CHD1: variants seen among roughly 807,000 people sequenced by gnomAD.
CHD1 encodes the protein ATP-dependent chromatin remodeler CHD1.
CHD1 carries 36 observed loss-of-function variants against 224.2 expected under a neutral mutation model. The observed-to-expected ratio is 0.16, with a 90% CI of 0.12 to 0.21. The LOEUF is 0.21. Among genes scored for constraint, CHD1 ranks in the 10% least tolerant of loss-of-function variants. The pLI is 1.00. For synonymous variants in CHD1, 668 were observed against 658.3 expected, an observed-to-expected ratio of 1.01 and a Z score of -0.23; for missense variants, 1,378 against 1,994.8, an observed-to-expected ratio of 0.69 and a Z score of 5.89.
Position 98,863,499 on chromosome 5 carries a change from G to A in CHD1, c.4336C>T (p.His1446Tyr), listed in dbSNP as rs1161880604. 1 of 1,608,668 alleles carries A rather than the reference G, an allele frequency of 6.2e-7. No homozygotes were observed. Among genetic ancestry groups the A allele is most frequent in the Non-Finnish European group, 8.5e-7 (1 of 1,176,802 alleles). The change falls in exon 32 of 36, where the codon CAT (histidine) becomes TAT (tyrosine). Residue 1446 changes from histidine to tyrosine, a missense_variant. Coordinates refer to ENST00000614616, the MANE Select transcript of CHD1 (RefSeq NM_001270.4). Reference protein sequence around the residue: ...KGLSEREQLEHTRQCLIKIGD... With the variant: ...KGLSEREQLEYTRQCLIKIGD... ...ATTTTTATTAAACATTGTCTAGTATGCTCTAGTTGTTCTCTTTCTGAAAGG... is the reference window on the plus strand; with the variant it reads ...ATTTTTATTAAACATTGTCTAGTATACTCTAGTTGTTCTCTTTCTGAAAGG...
intron 8 of CHD1, 54 bp from the exon 9 acceptor site, chr5:98,898,818 T>G (rs1751507283): frequency 2.1e-6 from 2 of 962,040 alleles, no homozygotes; most frequent in South Asian, 2.7e-5. Flanking sequence ...AAATAACCTT[T>G]CACTCCCCCA....
intron 30 of CHD1, chr5:98,869,546 A>G (rs1022358258): frequency 3.6e-6 from 2 of 552,604 alleles, no homozygotes; most frequent in East Asian, 3.4e-5. Context: ...GTGCTATATA[A>G]TATCTACTGG....
At position 98,898,273 on chromosome 5, in the gene CHD1, G is replaced by C; in HGVS notation, c.1348C>G (p.Pro450Ala). 2.0e-6 allele frequency: 3 copies of C among 1,528,018 alleles called. No individual in the cohort carries two copies. Among genetic ancestry groups the C allele is most frequent in the African/African-American group, 1.4e-5 (1 of 72,126 alleles). 94.7% of individuals were successfully genotyped at this position (1,528,018 alleles called of 1,614,324 possible). The change falls in exon 10 of 36, where the codon CCT (proline) becomes GCT (alanine). Residue 450 changes from proline (P) to alanine (A), a missense_variant. Physicochemically the swap from Pro to Ala is conservative, Grantham distance 27. This residue lies in a region of CHD1 where 86 missense variants were observed against 97.7 expected (regional missense o/e 0.88). Transcript: ENST00000614616. ...ATACTCACTTTGCAATCTTTAAAAG[G>C]AGTGGTTTTTGATTGGTTCCTGCTA... ...YFSRNQSKTT[P>A]FKDCKVLKQR...
At chr5:98,907,393 A>T (rs900439224) in intron 2 of CHD1, among the ~76,000 whole-genome samples, 2 of 152,156 alleles carry the variant, frequency 1.3e-5, no homozygotes, top group African/African-American at 4.8e-5. Context: ...GTTCGAGACC[A>T]GTCTGACCAA....
intron 24 of CHD1, 101 bp downstream of exon 24, chr5:98,876,297 T>C: frequency 8.2e-7 from 1 of 1,226,876 alleles, no homozygotes; most frequent in South Asian, 1.4e-5. Flanking sequence ...ATTTGCCTCT[T>C]CTAAAACTTC....
chr5:98,923,239 C>T (rs1288582711), intron 2 of CHD1, among the ~76,000 whole-genome samples: 1 of 152,070 alleles, frequency 6.6e-6, no homozygotes, highest in Non-Finnish European at 1.5e-5. Context: ...GGTCTCTCTC[C>T]TGATAAACTC....
At chr5:98,901,950 T>TTG (rs1435674907) in intron 5 of CHD1, among the ~76,000 whole-genome samples, 1 of 152,122 alleles carries the variant, frequency 6.6e-6, no homozygotes, top group Non-Finnish European at 1.5e-5. Flanking sequence ...CTATATCCTA[T>TTG]TTCAGCTATG....
At chr5:98,867,242 T>C (rs543672134) in intron 31 of CHD1, among the ~76,000 whole-genome samples, 1 of 152,166 alleles carries the variant, frequency 6.6e-6, no homozygotes, top group Non-Finnish European at 1.5e-5. Flanking sequence ...GCACAGATAG[T>C]TTCTCCCTCA....
In CHD1 at chr5:98,904,803, T is replaced by C. The variant is rs1751944182; in HGVS notation, c.255+94A>G. 3 of 1,116,512 alleles carry C rather than the reference T, an allele frequency of 2.7e-6. No homozygotes were observed. In the Admixed American group the frequency reaches 5.5e-5, roughly 21 times the overall value. The allele number at this position is 1,116,512 out of a possible 1,614,324, so 69.2% of individuals were successfully genotyped here. ...TTTTAATTTAAAATGTTGTCTTCTC[T>C]AAAAGCTAGATTAAGAATGGTATAA... On this transcript the variant is annotated intron_variant, in intron 3 of 35. Transcript: ENST00000614616.
chr5:98,920,152 C>CA (rs1410044032), intron 2 of CHD1, among the ~76,000 whole-genome samples: 1 of 151,908 alleles, frequency 6.6e-6, no homozygotes, highest in Non-Finnish European at 1.5e-5. Flanking sequence ...GATTACAACT[C>CA]AAAGCACATA....
At chr5:98,898,816 T>C (rs746943036) in intron 8 of CHD1, 52 bp from the exon 9 acceptor site, 3 of 986,268 alleles carry the variant, frequency 3.0e-6, no homozygotes, top group Admixed American at 3.5e-5. Context: ...ATAAATAACC[T>C]TTCACTCCCC....
intron 2 of CHD1, among the ~76,000 whole-genome samples, chr5:98,911,141 AAAAAAATATATATATATATATATAT>A (rs1350313472): frequency 8.7e-6 from 1 of 114,762 alleles, no homozygotes; most frequent in Non-Finnish European, 1.7e-5. Flanking sequence ...AAAAAAAAAA[AAAAAAATATATATATATATATATAT>A]ATATATATAT....
intron 18 of CHD1, among the ~76,000 whole-genome samples, chr5:98,883,541 A>G (rs1474721950): frequency 6.6e-6 from 1 of 152,060 alleles, no homozygotes; most frequent in Non-Finnish European, 1.5e-5. Context: ...TATGGAAAAC[A>G]GCGTGGAAAT....
chr5:98,883,543 C>G (rs753354196), intron 18 of CHD1, among the ~76,000 whole-genome samples: 1 of 151,788 alleles, frequency 6.6e-6, no homozygotes, highest in Admixed American at 6.6e-5. Context: ...TGGAAAACAG[C>G]GTGGAAATTC....
intron 10 of CHD1, among the ~76,000 whole-genome samples, chr5:98,898,019 T>C (rs57793152): frequency 0.053 from 8,092 of 151,614 alleles, 627 homozygotes; most frequent in African/African-American, 0.17. Context: ...AGAAGATACA[T>C]TGACGAAAAC....
At chr5:98,918,552 G>A (rs1319935501) in intron 2 of CHD1, among the ~76,000 whole-genome samples, 9 of 150,164 alleles carry the variant, frequency 6.0e-5, no homozygotes, top group African/African-American at 1.7e-4. Flanking sequence ...GGCGGATCAC[G>A]AGGTCAGGAG....
chr5:98,912,742 G>A (rs549181217), intron 2 of CHD1, among the ~76,000 whole-genome samples: 1 of 152,306 alleles, frequency 6.6e-6, no homozygotes, highest in South Asian at 2.1e-4. Flanking sequence ...GCAAGTGCTA[G>A]TAGCACTAGA....
Position 98,859,117 on chromosome 5 carries a change from CAA to C in CHD1, c.4525-104_4525-103del, listed in dbSNP as rs1487559741. The C allele has an allele frequency of 4.8e-6, 4 of 833,674 alleles. No homozygotes were observed. In the African/African-American group the frequency reaches 5.4e-5, roughly 11 times the overall value. The allele number at this position is 833,674 out of a possible 1,614,324, so 51.6% of individuals were successfully genotyped here. A position where few individuals can be genotyped will look rare whatever the true frequency, so the allele number is the denominator to read the frequency against. On this transcript the variant is annotated intron_variant, in intron 33 of 35. Coordinates refer to ENST00000614616, the MANE Select transcript of CHD1 (RefSeq NM_001270.4). ...AAATACTGATAATGAAGTCTTCACA[CAA>C]GATATTAGAATGTTTATGTGTGTAT...
Position 98,903,776 on chromosome 5 carries a change from C to T in CHD1, c.372+16G>A. The T allele has an allele frequency of 6.5e-7, 1 of 1,536,354 alleles. No homozygotes were observed. Among genetic ancestry groups the T allele is most frequent in the Non-Finnish European group, 9.0e-7 (1 of 1,109,334 alleles). On this transcript the variant is annotated intron_variant, in intron 4 of 35. Transcript: ENST00000614616. ...CATGTCCACTTTTAAAATAATAGCT[C>T]ATGATGAAAATGCACCTCTTCTGAT...
Sources: gnomAD v4.1 joint callset for allele counts (sites outside exome capture counted in the v4.1 genomes callset) on GRCh38, gnomAD v4.1.1 for gene constraint, gnomAD v4.1.1 regional missense constraint, MANE v1.5 for transcripts, NCBI Gene and HGNC (gene_info 2026-07-23, HGNC 2026-07-21) for gene names.